The following PDXDC1 variants were observed in gnomAD, a reference collection of about 807,000 sequenced individuals.
The protein encoded by PDXDC1 is pyridoxal dependent decarboxylase domain containing 1, also known as pyridoxal-dependent decarboxylase domain-containing protein 1.
PDXDC1 carries 42 observed loss-of-function variants against 100.1 expected under a neutral mutation model. That is an observed-to-expected ratio of 0.42 (90% CI 0.33 to 0.54). PDXDC1 has a LOEUF of 0.54. PDXDC1 is among the 20% of genes least tolerant of loss of function. The pLI is 0.10. For missense variants in PDXDC1, 636 were observed against 979.2 expected, an observed-to-expected ratio of 0.65 and a Z score of 4.68; for synonymous variants, 260 against 371.7, an observed-to-expected ratio of 0.70 and a Z score of 3.46.
Position 15,015,960 on chromosome 16 carries a change from G to A in PDXDC1, c.728-169G>A. On this transcript the variant is annotated intron_variant, in intron 8 of 22. Transcript: ENST00000396410. ...ACATACTCTTCAAAGCTTGTAATAAGTCAACTCACAAACACTGATTTTAAG... is the reference window on the plus strand; with the variant it reads ...ACATACTCTTCAAAGCTTGTAATAAATCAACTCACAAACACTGATTTTAAG... 4 of 1,340,416 alleles carry A rather than the reference G, an allele frequency of 3.0e-6. No individual in the cohort carries two copies. The Admixed American group carries it at 8.3e-5, about 28-fold the overall frequency. The allele number at this position is 1,340,416 out of a possible 1,614,324, so 83.0% of individuals were successfully genotyped here. A position where few individuals can be genotyped will look rare whatever the true frequency, so the allele number is the denominator to read the frequency against.
intron 16 of PDXDC1, chr16:15,074,604 A>AAT: frequency 1.4e-6 from 1 of 703,398 alleles, no homozygotes; most frequent in Admixed American, 3.4e-5. Flanking sequence ...TCTTAAACTC[A>AAT]TACTCAATAG....
intron 13 of PDXDC1, among the ~76,000 whole-genome samples, chr16:15,023,265 T>G (rs546350586): frequency 1.4e-4 from 21 of 152,280 alleles, no homozygotes; most frequent in Non-Finnish European, 2.4e-4. Context: ...TAGGCATAAC[T>G]AGACAAGGAA....
downstream of PDXDC1, among the ~76,000 whole-genome samples, chr16:15,040,725 T>C (rs925993122): frequency 2.0e-5 from 3 of 152,070 alleles, no homozygotes; most frequent in Admixed American, 6.5e-5. Context: ...CCCAGAGCAC[T>C]GGCAGGAGAA....
downstream of PDXDC1, chr16:15,041,185 G>T: frequency 9.2e-7 from 1 of 1,084,538 alleles, no homozygotes; most frequent in Non-Finnish European, 1.4e-6. Flanking sequence ...TTTTTACTTT[G>T]TATAATAAAG....
intron 16 of PDXDC1, among the ~76,000 whole-genome samples, chr16:15,052,707 G>A (rs1025955721): frequency 6.6e-6 from 1 of 152,058 alleles, no homozygotes; most frequent in African/African-American, 2.4e-5. Context: ...GGTGGCAGAT[G>A]TCTGATACTC....
the PDXDC1 span, among the ~76,000 whole-genome samples, chr16:15,149,036 G>A: frequency 2.6e-5 from 4 of 152,198 alleles, no homozygotes; most frequent in African/African-American, 9.7e-5. Flanking sequence ...CCGGCTCAGG[G>A]ACCCCGGGTG....
At chr16:14,988,838 C>T (rs1210618280) in intron 1 of PDXDC1, 9 of 1,613,730 alleles carry the variant, frequency 5.6e-6, no homozygotes, top group South Asian at 3.3e-5. Context: ...CCACCTTCAC[C>T]AGCCCCTTGC....
chr16:15,133,595 G>C (rs1256880099), intron 16 of PDXDC1: 6 of 1,157,362 alleles, frequency 5.2e-6, no homozygotes, highest in Non-Finnish European at 7.7e-6. Flanking sequence ...TCCGTAGCCG[G>C]AGAGGCTGCC....
chr16:15,131,421 C>T (rs1299962826), intron 16 of PDXDC1: 198 of 1,608,316 alleles, frequency 1.2e-4, no homozygotes, highest in Middle Eastern at 4.5e-4. Flanking sequence ...TGAGGTTAGC[C>T]GGGGCCCTGC....
intron 13 of PDXDC1, 149 bp downstream of exon 13, chr16:15,022,903 CAAAA>C (rs1398259184): frequency 7.1e-6 from 5 of 703,946 alleles, no homozygotes; most frequent in African/African-American, 1.8e-5. Context: ...AAAAACGAAA[CAAAA>C]AACAAAAACA....
At chr16:15,057,977 C>G (rs1354409919) in intron 16 of PDXDC1, among the ~76,000 whole-genome samples, 7 of 152,216 alleles carry the variant, frequency 4.6e-5, no homozygotes, top group Admixed American at 4.6e-4. Flanking sequence ...TCTCTTCCCA[C>G]CCAGCTCCAC....
At chr16:15,127,798 G>A in intron 16 of PDXDC1, 8 of 1,560,068 alleles carry the variant, frequency 5.1e-6, no homozygotes, top group African/African-American at 4.1e-5. Context: ...ACAGCTACGA[G>A]GCGGCCGGTC....
chr16:15,098,107 GTGTACA>G (rs1381666220), intron 16 of PDXDC1, among the ~76,000 whole-genome samples: 2 of 151,024 alleles, frequency 1.3e-5, no homozygotes, highest in Non-Finnish European at 2.9e-5. Context: ...CCTGATGTAT[GTGTACA>G]AGTGTTTTTC....
At chr16:15,077,233 C>T (rs2045498486) in intron 16 of PDXDC1, among the ~76,000 whole-genome samples, 1 of 152,068 alleles carries the variant, frequency 6.6e-6, no homozygotes, top group Non-Finnish European at 1.5e-5. Flanking sequence ...CCGGCCTCAG[C>T]TTCCCAAAGT....
intron 3 of PDXDC1, 40 bp downstream of exon 3, chr16:14,998,445 A>G (rs1972463810): frequency 6.3e-7 from 1 of 1,590,046 alleles, no homozygotes; most frequent in East Asian, 2.3e-5. Flanking sequence ...GTTAAGGTGT[A>G]AATTTTTGTT....
chr16:15,129,387 C>T (rs1197818189), intron 16 of PDXDC1, among the ~76,000 whole-genome samples: 2 of 151,880 alleles, frequency 1.3e-5, no homozygotes, highest in African/African-American at 4.8e-5. Context: ...TGCTGTGAGC[C>T]AAGATCACGC....
At chr16:15,055,546 G>A (rs986784552) in intron 16 of PDXDC1, among the ~76,000 whole-genome samples, 1 of 152,220 alleles carries the variant, frequency 6.6e-6, no homozygotes, top group African/African-American at 2.4e-5. Context: ...GGCCGGATTT[G>A]CCTAAACGGA....
rs745368654 is a variant in PDXDC1, at chr16:15,033,377, G to A, written c.1790G>A (p.Arg597Gln). Reference protein sequence around the residue: ...ELVETIAATAREIEENSRLLE... With the variant: ...ELVETIAATAQEIEENSRLLE... ...GTGGAGACCATTGCGGCCACAGCCCGGGAGATAGAGGAGAACTCGAGGGTC... is the reference window on the plus strand; with the variant it reads ...GTGGAGACCATTGCGGCCACAGCCCAGGAGATAGAGGAGAACTCGAGGGTC... Residue 597 changes from arginine (R) to glutamine (Q), a missense_variant, in exon 19 of 23, where the codon CGG (arginine) becomes CAG (glutamine). Arg to Gln is a conservative substitution (Grantham distance 43). Coordinates refer to ENST00000396410, the MANE Select transcript of PDXDC1 (RefSeq NM_015027.4). The A allele has an allele frequency of 8.7e-6, 14 of 1,614,006 alleles. No individual in the cohort carries two copies. Among genetic ancestry groups the A allele is most frequent in the Admixed American group, 8.3e-5 (5 of 60,006 alleles).
chr16:15,048,602 T>C (rs1367676962), intron 16 of PDXDC1, among the ~76,000 whole-genome samples: 3 of 152,146 alleles, frequency 2.0e-5, no homozygotes, highest in African/African-American at 4.8e-5. Flanking sequence ...GAATAGTGGA[T>C]GGATGGCTCT....
Sources: allele counts gnomAD v4.1 joint callset (sites outside exome capture counted in the v4.1 genomes callset), GRCh38; gene constraint gnomAD v4.1.1; transcripts MANE v1.5; gene names NCBI Gene and HGNC (gene_info 2026-07-23, HGNC 2026-07-21).